The following AIG1 variants were observed in gnomAD, a reference collection of about 807,000 sequenced individuals.
AIG1 encodes androgen induced 1, also known as androgen-induced gene 1 protein.
A neutral mutation model predicts 31.4 loss-of-function variants in AIG1; 23 were observed. The ratio of observed to expected loss-of-function variants is 0.73; its 90% CI spans 0.53 to 1.04. The LOEUF is 1.04. Among genes scored for constraint, AIG1 ranks in the 50% least tolerant of loss-of-function variants. The pLI is 0.00. For synonymous variants in AIG1, 100 were observed against 110.5 expected (o/e 0.90, Z 0.60); for missense variants, 274 against 295.0 (o/e 0.93, Z 0.52).
chr6:143,321,115 C>A (rs151309130), intron 4 of AIG1, among the ~76,000 whole-genome samples: 1 of 151,516 alleles, frequency 6.6e-6, no homozygotes, highest in East Asian at 2.0e-4. Flanking sequence ...CCACTGCACC[C>A]GGCCGTGAGT....
At chr6:143,131,277 T>A (rs1300089569) in intron 1 of AIG1, among the ~76,000 whole-genome samples, 1 of 152,254 alleles carries the variant, frequency 6.6e-6, no homozygotes, top group Non-Finnish European at 1.5e-5. Flanking sequence ...ATATTGCTAA[T>A]ATTTCATTTT....
intron 3 of AIG1, among the ~76,000 whole-genome samples, chr6:143,265,691 A>G (rs1176431055): frequency 6.6e-6 from 1 of 152,224 alleles, no homozygotes; most frequent in Non-Finnish European, 1.5e-5. Flanking sequence ...AATATACCTC[A>G]CTAGGAGGAG....
Position 143,306,237 on chromosome 6 carries a change from T to G in AIG1, c.515+22012T>G, listed in dbSNP as rs1442456185. Among the ~76,000 whole-genome samples the G allele has an allele frequency of 3.3e-5, 5 of 152,190 alleles. No individual in the cohort carries two copies. The East Asian group carries it at 9.6e-4, about 29-fold the overall frequency. On this transcript the variant is annotated intron_variant, in intron 4 of 5. Transcript: ENST00000357847. ...TTAGTCCATTTACATTTAAAGTTAATATTGTTATGTGTGAATTTGATCCTG... is the reference window on the plus strand; with the variant it reads ...TTAGTCCATTTACATTTAAAGTTAAGATTGTTATGTGTGAATTTGATCCTG...
chr6:143,163,813 C>A (rs897060977), intron 2 of AIG1, among the ~76,000 whole-genome samples: 1 of 152,120 alleles, frequency 6.6e-6, no homozygotes, highest in Non-Finnish European at 1.5e-5. Flanking sequence ...TGTTCCCTGT[C>A]TTTCTATCTC....
chr6:143,332,931 T>G (rs991498635), intron 4 of AIG1, among the ~76,000 whole-genome samples: 1 of 152,144 alleles, frequency 6.6e-6, no homozygotes, highest in African/African-American at 2.4e-5. Context: ...AGAAAGGACA[T>G]TCACAGGAAT....
rs1009117398 is a variant in AIG1, at chr6:143,291,336, G to A, written c.515+7111G>A. On this transcript the variant is annotated intron_variant, in intron 4 of 5. Coordinates refer to ENST00000357847, the MANE Select transcript of AIG1 (RefSeq NM_016108.4). The surrounding 1 kb of genome is among the most constrained non-coding windows in gnomAD (Gnocchi z 4.2). ...CTGGGCAAGAGTTTTCCAGCAGCAG[G>A]AAACCATGGGGTGTGCTGCCCTGGA... 6.6e-6 allele frequency among the ~76,000 whole-genome samples: 1 copy of A among 152,150 alleles called. No homozygotes were observed. The highest frequency in any genetic ancestry group is 1.5e-5 in the Non-Finnish European group (1 of 68,032).
intron 1 of AIG1, among the ~76,000 whole-genome samples, chr6:143,110,699 T>C (rs772553149): frequency 1.3e-5 from 2 of 152,188 alleles, no homozygotes; most frequent in Non-Finnish European, 2.9e-5. Context: ...GGAGTTTTTT[T>C]TGGTTGTTGG....
chr6:143,153,908 A>G (rs1785477839), intron 2 of AIG1, among the ~76,000 whole-genome samples: 1 of 151,486 alleles, frequency 6.6e-6, no homozygotes, highest in African/African-American at 2.4e-5. Context: ...TTATTCAACC[A>G]ATTATTAATA....
chr6:143,222,500 A>G (rs1269395961), intron 3 of AIG1, among the ~76,000 whole-genome samples: 1 of 152,102 alleles, frequency 6.6e-6, no homozygotes, highest in Non-Finnish European at 1.5e-5. Context: ...AGAGCCTGTG[A>G]ATTTCATTTC....
At chr6:143,161,553 ATGTG>A (rs558102779) in intron 2 of AIG1, among the ~76,000 whole-genome samples, 1 of 149,964 alleles carries the variant, frequency 6.7e-6, no homozygotes, top group Non-Finnish European at 1.5e-5. Context: ...GTGTATATAT[ATGTG>A]TGTGTGTGTG....
chr6:143,194,870 T>A (rs956928072), intron 3 of AIG1, among the ~76,000 whole-genome samples: 7 of 152,308 alleles, frequency 4.6e-5, no homozygotes, highest in Admixed American at 2.6e-4. Context: ...AACAAGGTTC[T>A]CTCTGTCTAG....
At chr6:143,213,307 C>T (rs1003100207) in intron 3 of AIG1, among the ~76,000 whole-genome samples, 1 of 152,144 alleles carries the variant, frequency 6.6e-6, no homozygotes, top group African/African-American at 2.4e-5. Context: ...AATAAATATC[C>T]TGTTGCTGAC....
chr6:143,159,445 A>G (rs552815717), intron 2 of AIG1, among the ~76,000 whole-genome samples: 1 of 152,388 alleles, frequency 6.6e-6, no homozygotes, highest in East Asian at 1.9e-4. Flanking sequence ...ACCCACGAAA[A>G]AAAGAGCATA....
intron 4 of AIG1, among the ~76,000 whole-genome samples, chr6:143,289,236 A>G (rs1309569083): frequency 6.6e-6 from 1 of 152,150 alleles, no homozygotes; most frequent in East Asian, 1.9e-4. Flanking sequence ...TCAAAGAAAT[A>G]TATTTTGGGC....
intron 3 of AIG1, among the ~76,000 whole-genome samples, chr6:143,171,181 C>A (rs943944111): frequency 7.9e-5 from 12 of 151,026 alleles, no homozygotes; most frequent in African/African-American, 2.9e-4. Flanking sequence ...GTCTTTTATC[C>A]CTCATCCACC....
chr6:143,110,671 A>G (rs1457178429), intron 1 of AIG1, among the ~76,000 whole-genome samples: 1 of 152,140 alleles, frequency 6.6e-6, no homozygotes, highest in African/African-American at 2.4e-5. Context: ...GTGCCCTTGA[A>G]CCTTGAGGAG....
intron 4 of AIG1, among the ~76,000 whole-genome samples, chr6:143,332,566 T>A (rs1480244667): frequency 6.6e-6 from 1 of 152,188 alleles, no homozygotes; most frequent in African/African-American, 2.4e-5. Flanking sequence ...TGGTACCTGC[T>A]AGGGTATGCA....
chr6:143,156,369 CAGA>C (rs1342378150), intron 2 of AIG1, among the ~76,000 whole-genome samples: 1 of 152,076 alleles, frequency 6.6e-6, no homozygotes, highest in African/African-American at 2.4e-5. Flanking sequence ...AGAAGAATTG[CAGA>C]AGACTAGGTA....
chr6:143,212,646 A>G (rs750853555), intron 3 of AIG1, among the ~76,000 whole-genome samples: 11 of 152,158 alleles, frequency 7.2e-5, no homozygotes, highest in Non-Finnish European at 1.6e-4. Context: ...GAATCATAAA[A>G]TGAAAACTCG....
Sources: allele counts gnomAD v4.1 joint callset (sites outside exome capture counted in the v4.1 genomes callset), GRCh38; gene constraint gnomAD v4.1.1; non-coding constraint Gnocchi (gnomAD v3.1); transcripts MANE v1.5; gene names NCBI Gene and HGNC (gene_info 2026-07-23, HGNC 2026-07-21).